The following ST6GALNAC5 variants were observed in gnomAD, a reference collection of about 807,000 sequenced individuals.
ST6GALNAC5 encodes the protein ST6 N-acetylgalactosaminide alpha-2,6-sialyltransferase 5, also known as alpha-N-acetylgalactosaminide alpha-2,6-sialyltransferase 5.
In ST6GALNAC5, 27 loss-of-function variants were observed where a neutral mutation model predicts 33.6. The ratio of observed to expected loss-of-function variants is 0.80; its 90% CI spans 0.59 to 1.11. ST6GALNAC5 has a LOEUF of 1.11. ST6GALNAC5 is among the 50% of genes least tolerant of loss of function. ST6GALNAC5 has a pLI of 0.00. For synonymous variants in ST6GALNAC5, 194 were observed against 171.2 expected, an observed-to-expected ratio of 1.13 and a Z score of -1.04; for missense variants, 428 against 454.0, an observed-to-expected ratio of 0.94 and a Z score of 0.52.
At chr1:76,941,473 A>G (rs1381880968) in intron 2 of ST6GALNAC5, among the ~76,000 whole-genome samples, 1 of 152,072 alleles carries the variant, frequency 6.6e-6, no homozygotes, top group Non-Finnish European at 1.5e-5. Flanking sequence ...CTCCCCCAAA[A>G]ATATCCCACC....
chr1:77,014,759 G>A (rs1337875552), intron 2 of ST6GALNAC5, among the ~76,000 whole-genome samples: 1 of 152,018 alleles, frequency 6.6e-6, no homozygotes, highest in Non-Finnish European at 1.5e-5. Flanking sequence ...AAAGCCTCTG[G>A]TACTTGAGAT....
intron 2 of ST6GALNAC5, among the ~76,000 whole-genome samples, chr1:77,011,162 G>C (rs531331055): frequency 6.6e-6 from 1 of 152,018 alleles, no homozygotes; most frequent in South Asian, 2.1e-4. Flanking sequence ...AGTAACATGA[G>C]AGCGGCACTC....
intron 2 of ST6GALNAC5, among the ~76,000 whole-genome samples, chr1:76,907,325 C>T (rs1416324210): frequency 1.3e-5 from 2 of 152,108 alleles, no homozygotes; most frequent in African/African-American, 4.8e-5. Flanking sequence ...GTGAAGCCTC[C>T]TGTTCCTATT....
intron 2 of ST6GALNAC5, among the ~76,000 whole-genome samples, chr1:76,927,771 C>A (rs77504035): frequency 0.034 from 5,224 of 152,076 alleles, 127 homozygotes; most frequent in Non-Finnish European, 0.05. Context: ...CTCTTGGCAA[C>A]AATAAAATGT....
At chr1:77,040,569 GA>G (rs11315289) in intron 2 of ST6GALNAC5, among the ~76,000 whole-genome samples, 58,168 of 151,940 alleles carry the variant, frequency 0.38, 11,914 homozygotes, top group African/African-American at 0.53. Context: ...TGGGCAAAGA[GA>G]AAAGAGAGAG....
At chr1:76,876,069 C>T (rs1162248831) in intron 2 of ST6GALNAC5, among the ~76,000 whole-genome samples, 1 of 152,214 alleles carries the variant, frequency 6.6e-6, no homozygotes, top group Non-Finnish European at 1.5e-5. Flanking sequence ...GGAAGGTAGT[C>T]TTGGCAGAAG....
intron 2 of ST6GALNAC5, among the ~76,000 whole-genome samples, chr1:76,886,889 C>A (rs1227182316): frequency 6.6e-6 from 1 of 152,058 alleles, no homozygotes; most frequent in African/African-American, 2.4e-5. Context: ...AACTTTGTTC[C>A]TCTTTAACAC....
intron 2 of ST6GALNAC5, among the ~76,000 whole-genome samples, chr1:76,881,920 G>A (rs566210477): frequency 6.6e-6 from 1 of 152,232 alleles, no homozygotes; most frequent in East Asian, 1.9e-4. Flanking sequence ...TTTGCCCAAG[G>A]CCATGGGTTA....
Position 77,063,325 on chromosome 1 carries a change from T to C in ST6GALNAC5, c.*119T>C, listed in dbSNP as rs1652658482. ...GAAAACAGCTTCACTCCTCAGGAAG[T>C]ACCATGGACAGACGCCTACCAGGGG... is the stretch of plus-strand genomic sequence containing the variant. On this transcript the variant is annotated 3_prime_UTR_variant, in exon 5 of 5. Coordinates refer to ENST00000477717, the MANE Select transcript of ST6GALNAC5 (RefSeq NM_030965.3). The C allele has an allele frequency of 8.1e-6, 7 of 861,646 alleles. No individual in the cohort carries two copies. Among genetic ancestry groups the C allele is most frequent in the Non-Finnish European group, 1.1e-5 (6 of 557,434 alleles). The allele number at this position is 861,646 out of a possible 1,614,324, so 53.4% of individuals were successfully genotyped here.
chr1:77,027,409 A>G (rs1016494282), intron 2 of ST6GALNAC5, among the ~76,000 whole-genome samples: 3 of 152,134 alleles, frequency 2.0e-5, no homozygotes, highest in Non-Finnish European at 2.9e-5. Flanking sequence ...GTGTGTGTTG[A>G]AAACTGTGCC....
intron 2 of ST6GALNAC5, among the ~76,000 whole-genome samples, chr1:77,028,955 T>C (rs568915093): frequency 3.6e-4 from 55 of 152,312 alleles, no homozygotes; most frequent in African/African-American, 1.3e-3. Flanking sequence ...GGAGTGCATT[T>C]CAGATGAAGG....
intron 2 of ST6GALNAC5, among the ~76,000 whole-genome samples, chr1:76,882,960 G>A (rs942078288): frequency 1.3e-5 from 2 of 152,054 alleles, no homozygotes; most frequent in Admixed American, 6.5e-5. Flanking sequence ...CCCAGGCACC[G>A]CACATACCTT....
At chr1:76,956,566 T>C (rs909128610) in intron 2 of ST6GALNAC5, among the ~76,000 whole-genome samples, 1 of 152,286 alleles carries the variant, frequency 6.6e-6, no homozygotes, top group East Asian at 1.9e-4. Flanking sequence ...ACACTTTCAT[T>C]GTTTCTTTGT....
intron 2 of ST6GALNAC5, among the ~76,000 whole-genome samples, chr1:77,005,552 A>T (rs1650374500): frequency 6.6e-6 from 1 of 152,224 alleles, no homozygotes; most frequent in Non-Finnish European, 1.5e-5. Flanking sequence ...AAATATACAT[A>T]TTATAAAATG....
intron 3 of ST6GALNAC5, among the ~76,000 whole-genome samples, chr1:77,047,952 T>C (rs1652071824): frequency 6.6e-6 from 1 of 152,236 alleles, no homozygotes; most frequent in Non-Finnish European, 1.5e-5. Context: ...GATATTCCTT[T>C]GTTAGAAAAA....
rs550961196 is a variant in ST6GALNAC5, at chr1:76,874,485, C to A, written c.261+5743C>A. Among the ~76,000 whole-genome samples, 5 of 152,180 alleles carry A rather than the reference C, an allele frequency of 3.3e-5. No individual in the cohort carries two copies. In the East Asian group the frequency reaches 7.7e-4, roughly 24 times the overall value. On this transcript the variant is annotated intron_variant, in intron 2 of 4. Coordinates refer to ENST00000477717, the MANE Select transcript of ST6GALNAC5 (RefSeq NM_030965.3). ...ATTAACTTACACGATCACAGCTTCC[C>A]ACAATAGGCTGTCTGCAAGCTTGAG... is the stretch of plus-strand genomic sequence containing the variant.
In ST6GALNAC5 at chr1:76,925,700, C is replaced by T. The variant is rs1457759461; in HGVS notation, c.261+56958C>T. ...AATATATATATATACAAATAAAAACCGAGATTCTAATTTTTTCAGGTGTTT... is the reference window on the plus strand; with the variant it reads ...AATATATATATATACAAATAAAAACTGAGATTCTAATTTTTTCAGGTGTTT... On this transcript the variant is annotated intron_variant, in intron 2 of 4. Coordinates refer to ENST00000477717, the MANE Select transcript of ST6GALNAC5 (RefSeq NM_030965.3). Among the ~76,000 whole-genome samples the T allele has an allele frequency of 4.6e-5, 7 of 151,782 alleles. No individual in the cohort carries two copies. The East Asian group carries it at 1.2e-3, about 25-fold the overall frequency.
Position 76,933,675 on chromosome 1 carries a change from G to A in ST6GALNAC5, c.261+64933G>A, listed in dbSNP as rs77954837. Reference sequence around the variant, plus strand: ...TTTGAAAGCTGACTCTAAGTCAGGAGAAATAACTATCTTCTGTGAACCCGG... The same window carrying A: ...TTTGAAAGCTGACTCTAAGTCAGGAAAAATAACTATCTTCTGTGAACCCGG... On this transcript the variant is annotated intron_variant, in intron 2 of 4. Coordinates refer to ENST00000477717, the MANE Select transcript of ST6GALNAC5 (RefSeq NM_030965.3). Among the ~76,000 whole-genome samples the A allele has an allele frequency of 2.9e-3, 402 of 138,244 alleles. 3 individuals are homozygous for A. Among genetic ancestry groups the A allele is most frequent in the African/African-American group, 0.01 (384 of 36,874 alleles). The allele number at this position is 138,244 out of a possible 152,430, so 90.7% of individuals were successfully genotyped here.
At chr1:76,880,378 C>T (rs1193953621) in intron 2 of ST6GALNAC5, among the ~76,000 whole-genome samples, 1 of 152,178 alleles carries the variant, frequency 6.6e-6, no homozygotes, top group Non-Finnish European at 1.5e-5. Flanking sequence ...CCTTAATATT[C>T]AGTTCCTCTA....
Sources: gnomAD v4.1 joint callset for allele counts (sites outside exome capture counted in the v4.1 genomes callset) on GRCh38, gnomAD v4.1.1 for gene constraint, MANE v1.5 for transcripts, NCBI Gene and HGNC (gene_info 2026-07-23, HGNC 2026-07-21) for gene names.